The following CDKAL1 variants were observed in gnomAD, a reference collection of about 807,000 sequenced individuals.
CDKAL1 encodes the protein threonylcarbamoyladenosine tRNA methylthiotransferase.
A neutral mutation model predicts 68.2 loss-of-function variants in CDKAL1; 32 were observed. The ratio of observed to expected loss-of-function variants is 0.47; its 90% CI spans 0.35 to 0.63. The LOEUF (loss-of-function observed/expected upper bound fraction) is 0.63, where lower values mean the gene tolerates loss of function less well. CDKAL1 is among the 30% of genes least tolerant of loss of function. The probability of loss-of-function intolerance (pLI) is 0.00; values close to 1 mark genes in which losing one functional copy is unlikely to be tolerated. For missense variants in CDKAL1, 606 were observed against 696.7 expected (o/e 0.87, Z 1.47); for synonymous variants, 234 against 244.3 (o/e 0.96, Z 0.39).
At chr6:21,207,834 A>G (rs1004252436) in intron 15 of CDKAL1, among the ~76,000 whole-genome samples, 7 of 152,196 alleles carry the variant, frequency 4.6e-5, no homozygotes, top group African/African-American at 1.2e-4. Flanking sequence ...AAGTTGCCCA[A>G]TATCTTATCA....
At chr6:20,689,720 A>C (rs908410946) in intron 5 of CDKAL1, among the ~76,000 whole-genome samples, 2 of 152,206 alleles carry the variant, frequency 1.3e-5, no homozygotes, top group African/African-American at 4.8e-5. Context: ...TGTGGTTTTC[A>C]AAGAAATTTC....
intron 9 of CDKAL1, among the ~76,000 whole-genome samples, chr6:20,917,624 G>C (rs1762777336): frequency 6.6e-6 from 1 of 152,078 alleles, no homozygotes; most frequent in Admixed American, 6.6e-5. Flanking sequence ...ACTATACCCA[G>C]TGTGTAAATT....
chr6:20,744,817 T>C (rs1395151204), intron 6 of CDKAL1, among the ~76,000 whole-genome samples: 1 of 152,186 alleles, frequency 6.6e-6, no homozygotes, highest in Non-Finnish European at 1.5e-5. Flanking sequence ...GTTTATGAAA[T>C]TGTGTGCTTT....
rs1779946983 is a variant in CDKAL1 at position 21,230,876 on chromosome 6, T to C, written c.1577T>C (p.Leu526Pro). 1.2e-6 allele frequency: 2 copies of C among 1,610,510 alleles called. No individual in the cohort carries two copies. Among genetic ancestry groups the C allele is most frequent in the Non-Finnish European group, 1.7e-6 (2 of 1,177,932 alleles). The part of the protein sequence containing the change: ...KDFRNGLGNQ[L>P]SSGSHTSAAS... ...TTCAGAAATGGGCTTGGGAACCAGCTGAGTTCAGGATCCCACACCTCTGCT... is the reference window on the plus strand; with the variant it reads ...TTCAGAAATGGGCTTGGGAACCAGCCGAGTTCAGGATCCCACACCTCTGCT... Residue 526 changes from leucine to proline, a missense_variant, in exon 16 of 16, where the codon CTG becomes CCG. Transcript: ENST00000274695.
intron 2 of CDKAL1, among the ~76,000 whole-genome samples, chr6:20,540,001 T>A (rs1763324459): frequency 6.6e-6 from 1 of 152,012 alleles, no homozygotes; most frequent in African/African-American, 2.4e-5. Flanking sequence ...AGGATGTTGT[T>A]GATTGATTGG....
intron 9 of CDKAL1, among the ~76,000 whole-genome samples, chr6:20,923,616 C>G (rs1763055241): frequency 1.3e-5 from 2 of 152,190 alleles, no homozygotes; most frequent in Admixed American, 1.3e-4. Context: ...TCCAGCCTCC[C>G]TATTGCCTGA....
rs578142443 is a variant in CDKAL1, at chr6:20,999,373, C to T, written c.910-854C>T. On this transcript the variant is annotated intron_variant, in intron 10 of 15. Coordinates refer to ENST00000274695, the MANE Select transcript of CDKAL1 (RefSeq NM_017774.3). ...CATTAGTCATCTTACCTAATGCTTA[C>T]ATGAATGGTGACATTACAGAACTTC... 2.0e-5 allele frequency among the ~76,000 whole-genome samples: 3 copies of T among 152,124 alleles called. No individual in the cohort carries two copies. The East Asian group carries it at 5.8e-4, about 29-fold the overall frequency.
intron 12 of CDKAL1, among the ~76,000 whole-genome samples, chr6:21,102,399 G>A (rs1016449520): frequency 2.6e-5 from 4 of 152,108 alleles, no homozygotes; most frequent in South Asian, 2.1e-4. Context: ...CTGCCTTAGC[G>A]TCGTCCACAT....
At chr6:20,577,440 T>G (rs1441667761) in intron 4 of CDKAL1, among the ~76,000 whole-genome samples, 3 of 152,202 alleles carry the variant, frequency 2.0e-5, no homozygotes, top group Admixed American at 2.0e-4. Context: ...GCTTTCATAG[T>G]ACTACCCCAG....
At chr6:21,141,489 T>C (rs2151035137) in intron 13 of CDKAL1, among the ~76,000 whole-genome samples, 2 of 152,348 alleles carry the variant, frequency 1.3e-5, no homozygotes, top group Middle Eastern at 6.8e-3. Context: ...ATAAGGTGTA[T>C]GTCCCCGCGA....
intron 9 of CDKAL1, among the ~76,000 whole-genome samples, chr6:20,928,116 T>C (rs376929559): frequency 4.8e-4 from 73 of 152,290 alleles, no homozygotes; most frequent in African/African-American, 1.7e-3. Flanking sequence ...ATGACTCTTG[T>C]AGTACTTAAG....
chr6:20,788,876 A>C (rs1006851092), intron 8 of CDKAL1, among the ~76,000 whole-genome samples: 1 of 152,176 alleles, frequency 6.6e-6, no homozygotes, highest in East Asian at 1.9e-4. Flanking sequence ...TGAATGTTTG[A>C]CAAACAAAAA....
intron 9 of CDKAL1, among the ~76,000 whole-genome samples, chr6:20,909,422 C>T (rs1399874196): frequency 4.6e-5 from 7 of 152,156 alleles, no homozygotes; most frequent in African/African-American, 9.7e-5. Flanking sequence ...TTTACTTACT[C>T]GCTGTAATTT....
intron 5 of CDKAL1, among the ~76,000 whole-genome samples, chr6:20,666,793 C>G (rs1405961560): frequency 1.3e-5 from 2 of 149,874 alleles, no homozygotes; most frequent in East Asian, 2.0e-4. Context: ...TTTGAAGTGT[C>G]TGGATTCTGT....
At chr6:20,874,276 A>G (rs1212492082) in intron 9 of CDKAL1, among the ~76,000 whole-genome samples, 1 of 149,864 alleles carries the variant, frequency 6.7e-6, no homozygotes, top group African/African-American at 2.5e-5. Flanking sequence ...GAAAAGGAAC[A>G]AGGAAATAGC....
At chr6:20,786,579 G>C (rs71563977) in intron 8 of CDKAL1, among the ~76,000 whole-genome samples, 3 of 138,956 alleles carry the variant, frequency 2.2e-5, no homozygotes, top group Non-Finnish European at 3.0e-5. Context: ...CTCACTGCAA[G>C]CTCCGCCTCC....
chr6:20,879,387 G>A lies in CDKAL1; in HGVS notation c.742+33209G>A, dbSNP rs187297156. ...CTGGTTTCAGCACTGCTCTCAGATG[G>A]TTAAAAAACCACTCTCAATATATAA... On this transcript the variant is annotated intron_variant, in intron 9 of 15. Transcript: ENST00000274695. Among the ~76,000 whole-genome samples the A allele has an allele frequency of 6.1e-4, 93 of 152,300 alleles. 2 individuals are homozygous for A. In the Middle Eastern group the frequency reaches 0.01, roughly 17 times the overall value.
At chr6:20,756,781 G>T (rs1774190631) in intron 6 of CDKAL1, 1 of 150,446 alleles carries the variant, frequency 6.6e-6, no homozygotes, top group African/African-American at 2.5e-5. Context: ...GAGACCAAAG[G>T]AATATTTTTA....
chr6:21,072,151 T>C (rs1771809148), intron 12 of CDKAL1, among the ~76,000 whole-genome samples: 1 of 152,212 alleles, frequency 6.6e-6, no homozygotes, highest in Non-Finnish European at 1.5e-5. Context: ...CTCTAATTTT[T>C]GTATCTCACG....
Sources: allele counts gnomAD v4.1 joint callset (sites outside exome capture counted in the v4.1 genomes callset), GRCh38; gene constraint gnomAD v4.1.1; transcripts MANE v1.5; gene names NCBI Gene and HGNC (gene_info 2026-07-23, HGNC 2026-07-21).